NKAIN3: variants seen among roughly 807,000 people sequenced by gnomAD.
NKAIN3 encodes the protein sodium/potassium-transporting ATPase subunit beta-1-interacting protein 3.
NKAIN3 carries 25 observed loss-of-function variants against 30.2 expected under a neutral mutation model. The ratio of observed to expected loss-of-function variants is 0.83; its 90% CI spans 0.60 to 1.16. NKAIN3 has a LOEUF of 1.16. Among genes scored for constraint, NKAIN3 ranks in the 50% most tolerant of loss-of-function variants. The pLI is 0.00. For synonymous variants in NKAIN3, 91 were observed against 89.6 expected (o/e 1.02, Z -0.09); for missense variants, 225 against 254.1 (o/e 0.89, Z 0.78).
intron 4 of NKAIN3, among the ~76,000 whole-genome samples, chr8:62,902,433 C>A (rs1046243071): frequency 6.6e-6 from 1 of 152,154 alleles, no homozygotes; most frequent in Admixed American, 6.5e-5. Context: ...CCAAGCCCAA[C>A]TTTTACTCCA....
chr8:62,266,268 G>A (rs1191014733), intron 1 of NKAIN3, among the ~76,000 whole-genome samples: 1 of 152,100 alleles, frequency 6.6e-6, no homozygotes, highest in Non-Finnish European at 1.5e-5. Context: ...GACTTAATTT[G>A]GGAAAGGAGT....
chr8:62,471,013 C>T (rs2129600004), intron 1 of NKAIN3, among the ~76,000 whole-genome samples: 1 of 152,180 alleles, frequency 6.6e-6, no homozygotes, highest in South Asian at 2.1e-4. Context: ...CACAGACATT[C>T]AGTGAAAAAT....
chr8:62,286,736 C>T (rs1489240681), intron 1 of NKAIN3, among the ~76,000 whole-genome samples: 1 of 151,956 alleles, frequency 6.6e-6, no homozygotes, highest in Non-Finnish European at 1.5e-5. Context: ...TGGTGGGTGG[C>T]TTGGGAGCCT....
intron 1 of NKAIN3, among the ~76,000 whole-genome samples, chr8:62,420,024 C>T (rs1365786888): frequency 6.6e-6 from 1 of 152,102 alleles, no homozygotes; most frequent in Non-Finnish European, 1.5e-5. Flanking sequence ...ACCATGTCAC[C>T]TGAGAGCATT....
intron 1 of NKAIN3, among the ~76,000 whole-genome samples, chr8:62,298,366 T>A (rs944510275): frequency 1.3e-5 from 2 of 152,090 alleles, no homozygotes; most frequent in Admixed American, 6.6e-5. Flanking sequence ...ATACCTCTGA[T>A]CTGATTCTGG....
chr8:62,313,940 G>T (rs1244334856), intron 1 of NKAIN3, among the ~76,000 whole-genome samples: 2 of 152,102 alleles, frequency 1.3e-5, no homozygotes, highest in East Asian at 3.9e-4. Flanking sequence ...AGCCCATTTA[G>T]TCACAGAGAG....
intron 5 of NKAIN3, among the ~76,000 whole-genome samples, chr8:62,943,145 C>T (rs559452564): frequency 4.2e-4 from 64 of 152,002 alleles, no homozygotes; most frequent in African/African-American, 1.4e-3. Flanking sequence ...ATCTGACAAA[C>T]GACTAATATC....
intron 1 of NKAIN3, among the ~76,000 whole-genome samples, chr8:62,413,435 C>T (rs758447030): frequency 6.6e-6 from 1 of 152,104 alleles, no homozygotes; most frequent in African/African-American, 2.4e-5. Flanking sequence ...TTGGTTTTTG[C>T]CTGAGCCTCA....
At chr8:62,807,388 T>G (rs1480352968) in intron 4 of NKAIN3, among the ~76,000 whole-genome samples, 3 of 152,180 alleles carry the variant, frequency 2.0e-5, no homozygotes, top group Non-Finnish European at 4.4e-5. Context: ...ATTACAGATT[T>G]TTTAAATTTT....
chr8:62,881,943 C>G (rs574299629), intron 4 of NKAIN3, among the ~76,000 whole-genome samples: 2 of 152,170 alleles, frequency 1.3e-5, no homozygotes, highest in Non-Finnish European at 2.9e-5. Context: ...TTTGGCCATT[C>G]TAATAGGTGT....
chr8:62,806,206 G>T (rs1157679291), intron 4 of NKAIN3, among the ~76,000 whole-genome samples: 2 of 152,144 alleles, frequency 1.3e-5, no homozygotes, highest in African/African-American at 4.8e-5. Context: ...ACTGTTGGTG[G>T]GACTGTAAAC....
At chr8:62,350,119 G>C (rs1378026747) in intron 1 of NKAIN3, among the ~76,000 whole-genome samples, 8 of 152,170 alleles carry the variant, frequency 5.3e-5, no homozygotes. Flanking sequence ...TCCATTTACA[G>C]GTTATATATG....
At chr8:62,574,399 A>G (rs1419120415) in intron 1 of NKAIN3, among the ~76,000 whole-genome samples, 1 of 152,158 alleles carries the variant, frequency 6.6e-6, no homozygotes, top group East Asian at 1.9e-4. Context: ...TTTTGGGTAT[A>G]AACCTATAAG....
chr8:62,626,996 G>T (rs187797115), intron 3 of NKAIN3, among the ~76,000 whole-genome samples: 32 of 152,234 alleles, frequency 2.1e-4, no homozygotes, highest in African/African-American at 7.7e-4. Flanking sequence ...TCAAAGGAAT[G>T]GTGCACTGGT....
chr8:62,529,327 C>T (rs770533241), intron 1 of NKAIN3, among the ~76,000 whole-genome samples: 1 of 152,334 alleles, frequency 6.6e-6, no homozygotes, highest in Middle Eastern at 3.4e-3. Context: ...ATCTCACTGA[C>T]ACATTGCTCC....
chr8:62,772,176 G>T (rs1817034613), intron 4 of NKAIN3, among the ~76,000 whole-genome samples: 1 of 152,184 alleles, frequency 6.6e-6, no homozygotes, highest in African/African-American at 2.4e-5. Context: ...GTCTTCCTGT[G>T]CCTGGCTTGT....
intron 3 of NKAIN3, among the ~76,000 whole-genome samples, chr8:62,687,227 C>T (rs1393960458): frequency 1.3e-5 from 2 of 152,164 alleles, no homozygotes; most frequent in East Asian, 3.8e-4. Context: ...GTTTTCATTT[C>T]AACCAGCAAA....
chr8:62,346,322 A>C (rs1347375747), intron 1 of NKAIN3, among the ~76,000 whole-genome samples: 2 of 152,118 alleles, frequency 1.3e-5, no homozygotes, highest in Non-Finnish European at 2.9e-5. Context: ...GAAACATCAC[A>C]CTGTAACCTA....
intron 4 of NKAIN3, among the ~76,000 whole-genome samples, chr8:62,814,474 G>A (rs1303315298): frequency 6.6e-6 from 1 of 151,794 alleles, no homozygotes; most frequent in South Asian, 2.1e-4. Flanking sequence ...CGACCACATA[G>A]TTGGAAGTAA....
Sources: gnomAD v4.1 joint callset for allele counts (sites outside exome capture counted in the v4.1 genomes callset) on GRCh38, gnomAD v4.1.1 for gene constraint, MANE v1.5 for transcripts, NCBI Gene and HGNC (gene_info 2026-07-23, HGNC 2026-07-21) for gene names.